Variants in MARCHF1 observed in about 807,000 individuals in gnomAD.
MARCHF1 encodes E3 ubiquitin-protein ligase MARCHF1.
A neutral mutation model predicts 54.2 loss-of-function variants in MARCHF1; 40 were observed. The ratio of observed to expected loss-of-function variants is 0.74; its 90% CI spans 0.57 to 0.96. MARCHF1 has a LOEUF of 0.96. MARCHF1 is among the 40% of genes least tolerant of loss of function. The pLI, the probability that MARCHF1 is intolerant of heterozygous loss-of-function variation, is 0.00. For synonymous variants in MARCHF1, 236 were observed against 236.3 expected (o/e 1.00, Z 0.01); for missense variants, 586 against 656.5 (o/e 0.89, Z 1.17).
chr4:164,248,110 T>G (rs886293498), intron 1 of MARCHF1, among the ~76,000 whole-genome samples: 1 of 151,880 alleles, frequency 6.6e-6, no homozygotes. Context: ...TAGAGAAAAT[T>G]AGGACCTATA....
intron 1 of MARCHF1, among the ~76,000 whole-genome samples, chr4:164,227,763 C>T (rs943882944): frequency 2.0e-5 from 3 of 152,042 alleles, no homozygotes; most frequent in African/African-American, 7.2e-5. Context: ...TTTTAGGACT[C>T]CCTTTGCCAA....
At chr4:163,841,997 A>G (rs1749353320) in intron 4 of MARCHF1, among the ~76,000 whole-genome samples, 1 of 152,166 alleles carries the variant, frequency 6.6e-6, no homozygotes, top group Admixed American at 6.6e-5. Flanking sequence ...GTGATATAAA[A>G]ATAATTTAAC....
chr4:164,263,628 C>T (rs988441801), intron 1 of MARCHF1, among the ~76,000 whole-genome samples: 28 of 151,806 alleles, frequency 1.8e-4, no homozygotes, highest in Non-Finnish European at 3.5e-4. Context: ...AAAAACATTT[C>T]GAATGTAAAG....
intron 5 of MARCHF1, among the ~76,000 whole-genome samples, chr4:163,644,583 C>G (rs747438719): frequency 2.3e-4 from 35 of 152,254 alleles, no homozygotes; most frequent in Non-Finnish European, 1.5e-4. Flanking sequence ...GCCCCAGACC[C>G]CCTCTGCTAT....
chr4:164,310,626 G>C (rs1000908688), intron 1 of MARCHF1, among the ~76,000 whole-genome samples: 1 of 137,048 alleles, frequency 7.3e-6, no homozygotes, highest in Non-Finnish European at 1.5e-5. Context: ...ATTTCTAGTA[G>C]TGAATAATAA....
chr4:164,237,732 T>A (rs1473863361), intron 1 of MARCHF1, among the ~76,000 whole-genome samples: 1 of 152,176 alleles, frequency 6.6e-6, no homozygotes, highest in South Asian at 2.1e-4. Flanking sequence ...GCGTAGTGTT[T>A]TGTGTTTGAC....
chr4:163,545,714 T>C lies in MARCHF1; in HGVS notation c.1221A>G (p.Glu407=). 6.2e-7 allele frequency: 1 copy of C among 1,614,010 alleles called. No homozygotes were observed. Among genetic ancestry groups the C allele is most frequent in the Non-Finnish European group, 8.5e-7 (1 of 1,179,952 alleles). The change falls in exon 9 of 10, where the codon GAA becomes GAG. Residue 407 remains glutamate (E), a synonymous_variant. Coordinates refer to ENST00000514618, the MANE Select transcript of MARCHF1 (RefSeq NM_001394959.1). ...TGACAGAGCAGAATATTTTCCTCCT[T>C]TCACTTGTGGTCATCTGTAGTTTCT... The part of the protein sequence containing the change: ...KWEKLQMTTS[E]RRKIFCSVTF...
intron 5 of MARCHF1, among the ~76,000 whole-genome samples, chr4:163,674,382 A>C (rs1229365357): frequency 6.6e-6 from 1 of 152,228 alleles, no homozygotes. Flanking sequence ...TGATGAAGAC[A>C]AGTGGAGCTG....
intron 1 of MARCHF1, among the ~76,000 whole-genome samples, chr4:164,206,894 A>C (rs1731621488): frequency 6.6e-6 from 1 of 152,086 alleles, no homozygotes; most frequent in Non-Finnish European, 1.5e-5. Flanking sequence ...CAGTAGAGAA[A>C]AACCAAGTTT....
intron 5 of MARCHF1, chr4:163,613,757 T>C (rs72991527): frequency 1.8e-4 from 50 of 272,924 alleles, no homozygotes; most frequent in African/African-American, 1.1e-3. Flanking sequence ...AGCACTATTA[T>C]GTGACAAGGA....
chr4:163,879,170 C>A (rs73868924), intron 3 of MARCHF1, among the ~76,000 whole-genome samples: 9,066 of 152,164 alleles, frequency 0.06, 683 homozygotes, highest in East Asian at 0.18. Context: ...GTGTAACTTG[C>A]ATACATTGGA....
chr4:163,716,489 T>TA (rs1745261574), intron 4 of MARCHF1, among the ~76,000 whole-genome samples: 1 of 152,172 alleles, frequency 6.6e-6, no homozygotes, highest in Admixed American at 6.6e-5. Context: ...ATTATTCCTA[T>TA]AAAAACACAG....
At chr4:163,854,738 C>A (rs1408210134) in intron 3 of MARCHF1, among the ~76,000 whole-genome samples, 5 of 152,122 alleles carry the variant, frequency 3.3e-5, no homozygotes, top group African/African-American at 9.6e-5. Flanking sequence ...CCAGTACAAT[C>A]TATTCAAAAG....
chr4:163,753,218 G>A (rs1440822147), intron 4 of MARCHF1, among the ~76,000 whole-genome samples: 2 of 151,930 alleles, frequency 1.3e-5, no homozygotes, highest in African/African-American at 4.8e-5. Flanking sequence ...GTTATTTAAT[G>A]TTCCAGGAAA....
chr4:163,579,478 CCTT>C (rs1397432236), intron 8 of MARCHF1, among the ~76,000 whole-genome samples: 3 of 152,170 alleles, frequency 2.0e-5, no homozygotes, highest in African/African-American at 2.4e-5. Context: ...CTAGACTCCT[CCTT>C]CTTAATGAAT....
intron 2 of MARCHF1, among the ~76,000 whole-genome samples, chr4:164,109,932 A>AAAAAAAAAAAAAAAT: frequency 1.3e-5 from 2 of 150,042 alleles, no homozygotes; most frequent in Non-Finnish European, 1.5e-5. Context: ...AAAAAAAAAA[A>AAAAAAAAAAAAAAAT]AAAAGAAAAT....
intron 1 of MARCHF1, among the ~76,000 whole-genome samples, chr4:164,344,575 C>T (rs1730023580): frequency 6.6e-6 from 1 of 151,754 alleles, no homozygotes; most frequent in Admixed American, 6.6e-5. Flanking sequence ...TTTTCTGTGT[C>T]AACACTCTGC....
At chr4:163,884,563 C>A (rs761971504) in intron 3 of MARCHF1, among the ~76,000 whole-genome samples, 6 of 152,118 alleles carry the variant, frequency 3.9e-5, no homozygotes, top group African/African-American at 1.2e-4. Context: ...ATGAAAGGCC[C>A]CAAGTCCCTA....
chr4:163,532,329 T>C (rs1418072398), intron 9 of MARCHF1, among the ~76,000 whole-genome samples: 1 of 151,896 alleles, frequency 6.6e-6, no homozygotes, highest in African/African-American at 2.4e-5. Flanking sequence ...GGCAATTCAA[T>C]GGAGAAGGGA....
Sources: allele counts gnomAD v4.1 joint callset (sites outside exome capture counted in the v4.1 genomes callset), GRCh38; gene constraint gnomAD v4.1.1; transcripts MANE v1.5; gene names NCBI Gene and HGNC (gene_info 2026-07-23, HGNC 2026-07-21).